Variants in VPS37B observed in about 807,000 individuals in gnomAD.
The protein encoded by VPS37B is vacuolar protein sorting-associated protein 37B.
VPS37B carries 11 observed loss-of-function variants against 21.2 expected under a neutral mutation model. The observed-to-expected ratio is 0.52, with a 90% CI of 0.33 to 0.86. VPS37B has a LOEUF of 0.86. Among genes scored for constraint, VPS37B ranks in the 40% least tolerant of loss-of-function variants. VPS37B has a pLI of 0.03. For synonymous variants in VPS37B, 175 were observed against 159.6 expected (o/e 1.10, Z -0.73); for missense variants, 389 against 374.8 (o/e 1.04, Z -0.31).
In VPS37B at chr12:122,895,955, C is replaced by T. The variant is rs376789904; in HGVS notation, c.108G>A (p.Glu36=). 1.2e-6 allele frequency: 2 copies of T among 1,611,450 alleles called. No homozygotes were observed. The highest frequency in any genetic ancestry group is 2.7e-5 in the African/African-American group (2 of 74,492). The change falls in exon 1 of 4, where the codon GAG becomes GAA. Residue 36 remains glutamate (E), a synonymous_variant. Coordinates refer to ENST00000267202, the MANE Select transcript of VPS37B (RefSeq NM_024667.3). ...CCTTAAGCCCAGCTCGGCTCACCTCCTCCATCTTCTGCACCATCTCCGTCA... is the reference window on the plus strand; with the variant it reads ...CCTTAAGCCCAGCTCGGCTCACCTCTTCCATCTTCTGCACCATCTCCGTCA... The part of the protein sequence containing the change: ...GQLTEMVQKM[E]ETQNVQLNKE...
At chr12:122,891,394 CTTCCT>C (rs769052918) in intron 1 of VPS37B, among the ~76,000 whole-genome samples, 1 of 152,222 alleles carries the variant, frequency 6.6e-6, no homozygotes. Flanking sequence ...GCATATTATC[CTTCCT>C]TTAACAGTTG....
chr12:122,888,453 T>C (rs1357832981), intron 1 of VPS37B: 3 of 435,146 alleles, frequency 6.9e-6, no homozygotes, highest in East Asian at 7.3e-5. Context: ...CTCAGCATGT[T>C]CTGAGCGCCA....
chr12:122,892,476 C>A (rs1566133782), intron 1 of VPS37B, among the ~76,000 whole-genome samples: 2 of 150,144 alleles, frequency 1.3e-5, no homozygotes, highest in Non-Finnish European at 3.0e-5. Context: ...CCTTACTCTA[C>A]AATTTAAAAC....
Position 122,866,865 on chromosome 12 carries a change from G to A in VPS37B, c.*251C>T. 1 of 420,798 alleles carries A rather than the reference G, an allele frequency of 2.4e-6. No individual in the cohort carries two copies. The highest frequency in any genetic ancestry group is 4.1e-6 in the Non-Finnish European group (1 of 241,084). 26.1% of individuals were successfully genotyped at this position (420,798 alleles called of 1,614,324 possible). A position where few individuals can be genotyped will look rare whatever the true frequency, so the allele number is the denominator to read the frequency against. ...GAGTTCATCAACGCTAAGATACTTA[G>A]AAATCACACGGATAATGCAAACCGA... is the stretch of plus-strand genomic sequence containing the variant. On this transcript the variant is annotated 3_prime_UTR_variant, in exon 4 of 4. Coordinates refer to ENST00000267202, the MANE Select transcript of VPS37B (RefSeq NM_024667.3).
intron 1 of VPS37B, chr12:122,886,043 C>T (rs1187614646): frequency 6.6e-6 from 1 of 152,150 alleles, no homozygotes; most frequent in Non-Finnish European, 1.5e-5. Context: ...TACTATTATA[C>T]TTCCCTGCCT....
rs2033905157 is a variant in VPS37B at position 122,866,649 on chromosome 12, A to G, written c.*467T>C. The G allele has an allele frequency of 6.5e-6, 1 of 153,398 alleles. No individual in the cohort carries two copies. The highest frequency in any genetic ancestry group is 1.5e-5 in the Non-Finnish European group (1 of 68,668). The allele number at this position is 153,398 out of a possible 1,614,324, so 9.5% of individuals were successfully genotyped here. The stretch of plus-strand genomic sequence containing the variant: ...CGCAGCCACAGGTGGTGGCCCAGCC[A>G]CGGCGCTCTTCCAGGCCGGCCGGCG... On this transcript the variant is annotated 3_prime_UTR_variant, in exon 4 of 4. Transcript: ENST00000267202.
At position 122,866,278 on chromosome 12, in the gene VPS37B, T is replaced by C. The variant is rs1289388594; in HGVS notation, c.*838A>G. 6.6e-6 allele frequency: 1 copy of C among 152,634 alleles called. No individual in the cohort carries two copies. The highest frequency in any genetic ancestry group is 1.5e-5 in the Non-Finnish European group (1 of 68,048). 9.5% of individuals were successfully genotyped at this position (152,634 alleles called of 1,614,324 possible). A position where few individuals can be genotyped will look rare whatever the true frequency, so the allele number is the denominator to read the frequency against. On this transcript the variant is annotated 3_prime_UTR_variant, in exon 4 of 4. Transcript: ENST00000267202. ...GCATTTCGATCTGCTCAAGACAGTA[T>C]CTGCATTTTTTATAAAATTTCCCTG...
chr12:122,895,883 G>T, intron 1 of VPS37B, 69 bp downstream of exon 1: 1 of 1,460,894 alleles, frequency 6.8e-7, no homozygotes. Context: ...CTCCGCCTCC[G>T]GCCACCGTTC....
chr12:122,889,265 G>GC (rs1460983881), intron 1 of VPS37B: 1 of 152,378 alleles, frequency 6.6e-6, no homozygotes, highest in East Asian at 1.9e-4. Context: ...CTTCAGGTCA[G>GC]CAGGAGAGGG....
In VPS37B at chr12:122,866,750, A is replaced by T. The variant is rs887935407; in HGVS notation, c.*366T>A. 9.9e-6 allele frequency: 2 copies of T among 201,786 alleles called. No homozygotes were observed. Among genetic ancestry groups the T allele is most frequent in the African/African-American group, 2.3e-5 (1 of 43,296 alleles). The allele number at this position is 201,786 out of a possible 1,614,324, so 12.5% of individuals were successfully genotyped here. On this transcript the variant is annotated 3_prime_UTR_variant, in exon 4 of 4. Coordinates refer to ENST00000267202, the MANE Select transcript of VPS37B (RefSeq NM_024667.3). ...ACTGTCTTTCGAAAATAAAATAAGT[A>T]TCATGAACCATGCTCATTAAATAAA...
chr12:122,869,493 T>C (rs528308518), intron 2 of VPS37B, among the ~76,000 whole-genome samples: 1 of 152,358 alleles, frequency 6.6e-6, no homozygotes, highest in African/African-American at 2.4e-5. Flanking sequence ...TCTTTTTACT[T>C]TTCGTCATTC....
rs563955118 is a variant in VPS37B at position 122,867,442 on chromosome 12, G to A, written c.532C>T (p.Pro178Ser). The A allele has an allele frequency of 3.7e-6, 6 of 1,612,960 alleles. No individual in the cohort carries two copies. Among genetic ancestry groups the A allele is most frequent in the East Asian group, 4.5e-5 (2 of 44,844 alleles). ...GTAGGTGCCAGTTCGGGCAGCCTGG[G>A]GGGCAGCGGGGCCAGGGCCTGTGGG... ...RLPQALAPLPPRLPELAPTAP... is the reference protein window; with the variant it reads ...RLPQALAPLPSRLPELAPTAP... The change falls in exon 4 of 4, where the codon CCC becomes TCC. Residue 178 changes from proline (P) to serine (S), a missense_variant. By Grantham distance (74) the Pro-to-Ser change is moderately conservative. Transcript: ENST00000267202. This position sits in a 1 kb window ranked among gnomAD's most constrained non-coding sequence, Gnocchi z 5.5.
chr12:122,870,814 C>T, intron 2 of VPS37B, 76 bp downstream of exon 2: 4 of 1,415,010 alleles, frequency 2.8e-6, no homozygotes, highest in Non-Finnish European at 3.8e-6. Context: ...ATATTTCTTT[C>T]CTGGTAGGGC....
intron 1 of VPS37B, chr12:122,882,747 G>C (rs928486375): frequency 6.6e-6 from 1 of 152,144 alleles, no homozygotes; most frequent in Non-Finnish European, 1.5e-5. Context: ...TACATTAAAG[G>C]CTAGGTTATT....
chr12:122,868,611 A>AG lies in VPS37B; in HGVS notation c.284-50dup. On this transcript the variant is annotated intron_variant, in intron 2 of 3. Transcript: ENST00000267202. This position sits in a 1 kb window ranked among gnomAD's most constrained non-coding sequence, Gnocchi z 5.5. ...ACAAAAGTGAGAGGTGTCCAGGTAA[A>AG]GCCCTTCATGATGCCAACCACGGCA... The AG allele has an allele frequency of 6.4e-7, 1 of 1,552,052 alleles. No individual in the cohort carries two copies. Among genetic ancestry groups the AG allele is most frequent in the Non-Finnish European group, 8.8e-7 (1 of 1,133,230 alleles).
chr12:122,872,233 A>G (rs2034053385), intron 1 of VPS37B: 1 of 985,482 alleles, frequency 1.0e-6, no homozygotes. Flanking sequence ...CACACAAGGA[A>G]GAGCCTCAGG....
In VPS37B at chr12:122,867,721, T is replaced by C. The variant is rs1053003383; in HGVS notation, c.367-114A>G. The C allele has an allele frequency of 3.2e-5, 45 of 1,418,610 alleles. No individual in the cohort carries two copies. In the African/African-American group the frequency reaches 5.8e-4, roughly 18 times the overall value. The allele number at this position is 1,418,610 out of a possible 1,614,324, so 87.9% of individuals were successfully genotyped here. ...GCTGCTTCCAACACTGCCCCCTCCCTGTAACCACCCAGAGGGCCTCGCTCC... is the reference window on the plus strand; with the variant it reads ...GCTGCTTCCAACACTGCCCCCTCCCCGTAACCACCCAGAGGGCCTCGCTCC... On this transcript the variant is annotated intron_variant, in intron 3 of 3. Transcript: ENST00000267202. This position sits in a 1 kb window ranked among gnomAD's most constrained non-coding sequence, Gnocchi z 5.5.
At chr12:122,894,406 G>C (rs974073914) in intron 1 of VPS37B, among the ~76,000 whole-genome samples, 4 of 152,260 alleles carry the variant, frequency 2.6e-5, no homozygotes, top group African/African-American at 9.6e-5. Flanking sequence ...TGGCCTCTCT[G>C]TAGCTCCGGA....
chr12:122,878,627 A>G (rs1593915791), intron 1 of VPS37B: 1 of 147,696 alleles, frequency 6.8e-6, no homozygotes. Flanking sequence ...TCCAATGACA[A>G]GAGTCCTTTT....
Sources: gnomAD v4.1 joint callset for allele counts (sites outside exome capture counted in the v4.1 genomes callset) on GRCh38, gnomAD v4.1.1 for gene constraint, Gnocchi (gnomAD v3.1) non-coding constraint, MANE v1.5 for transcripts, NCBI Gene and HGNC (gene_info 2026-07-23, HGNC 2026-07-21) for gene names.